SP6: variants seen among roughly 807,000 people sequenced by gnomAD.
SP6 encodes transcription factor Sp6.
In SP6, 10 loss-of-function variants were observed where a neutral mutation model predicts 23.4. The ratio of observed to expected loss-of-function variants is 0.43; its 90% CI spans 0.26 to 0.72. SP6 has a LOEUF of 0.72. Ranked by LOEUF, SP6 falls within the 30% of genes least tolerant of loss-of-function variation. The pLI, the probability that SP6 is intolerant of heterozygous loss-of-function variation, is 0.23. For missense variants in SP6, 482 were observed against 523.8 expected (o/e 0.92, Z 0.78); for synonymous variants, 238 against 238.7 (o/e 1.00, Z 0.03).
rs748312103 is a variant in SP6, at chr17:47,847,548, G to C, written c.882C>G (p.Arg294=). 1 of 1,613,620 alleles carries C rather than the reference G, an allele frequency of 6.2e-7. No individual in the cohort carries two copies. Among genetic ancestry groups the C allele is most frequent in the Admixed American group, 1.7e-5 (1 of 60,006 alleles). ...FVCNWLFCGK[R]FTRSDELQRH... ...GCTGCAGCTCGTCCGAGCGCGTGAAGCGCTTGCCGCAGAAGAGCCAGTTGC... is the reference window on the plus strand; with the variant it reads ...GCTGCAGCTCGTCCGAGCGCGTGAACCGCTTGCCGCAGAAGAGCCAGTTGC... The change falls in exon 2 of 2, where the codon CGC becomes CGG. Residue 294 remains arginine, a synonymous_variant. Coordinates refer to ENST00000536300, the MANE Select transcript of SP6 (RefSeq NM_001258248.2).
the SP6 span, among the ~76,000 whole-genome samples, chr17:47,874,282 G>T: frequency 6.6e-6 from 1 of 151,946 alleles, no homozygotes; most frequent in Non-Finnish European, 1.5e-5. Context: ...GTAGAGGCTG[G>T]GTTTCATTAT....
chr17:47,872,242 C>A, the SP6 span, among the ~76,000 whole-genome samples: 2 of 152,180 alleles, frequency 1.3e-5, no homozygotes, highest in Non-Finnish European at 2.9e-5. Flanking sequence ...AATCCCAGAT[C>A]GGTTCTCGGG....
chr17:47,871,680 G>A, the SP6 span, among the ~76,000 whole-genome samples: 7 of 151,152 alleles, frequency 4.6e-5, no homozygotes, highest in Middle Eastern at 3.4e-3. Flanking sequence ...GTGCAGTGGC[G>A]TGATCTTGGC....
chr17:47,857,879 C>T (rs905524742), upstream of SP6, among the ~76,000 whole-genome samples: 2 of 152,112 alleles, frequency 1.3e-5, no homozygotes, highest in Admixed American at 6.5e-5. Context: ...ATTCAAGCCC[C>T]TCTCTCTTGA....
chr17:47,854,274 C>G (rs755450732), upstream of SP6, among the ~76,000 whole-genome samples: 2 of 152,176 alleles, frequency 1.3e-5, no homozygotes, highest in Non-Finnish European at 2.9e-5. Flanking sequence ...TACTGAGCAC[C>G]TACTATGTTC....
chr17:47,862,848 G>A, the SP6 span, among the ~76,000 whole-genome samples: 1 of 152,222 alleles, frequency 6.6e-6, no homozygotes, highest in Admixed American at 6.5e-5. Flanking sequence ...GCCTGTGGGC[G>A]CAGCCTAGAA....
Position 47,848,446 on chromosome 17 carries a change from G to T in SP6, c.-17C>A. 1 of 1,490,746 alleles carries T rather than the reference G, an allele frequency of 6.7e-7. No individual in the cohort carries two copies. The highest frequency in any genetic ancestry group is 9.0e-7 in the Non-Finnish European group (1 of 1,116,700). The allele number at this position is 1,490,746 out of a possible 1,614,324, so 92.3% of individuals were successfully genotyped here. On this transcript the variant is annotated 5_prime_UTR_variant, in exon 2 of 2. Coordinates refer to ENST00000536300, the MANE Select transcript of SP6 (RefSeq NM_001258248.2). This position sits in a 1 kb window ranked among gnomAD's most constrained non-coding sequence, Gnocchi z 5.3. ...GGTTAGCATTGCCGGGATCCGGGGT[G>T]GGGTGAGGGCAGGGACGGTCAGGGG...
chr17:47,848,181 G>A lies in SP6; in HGVS notation c.249C>T (p.Ser83=). 1.9e-6 allele frequency: 3 copies of A among 1,613,154 alleles called. No homozygotes were observed. The highest frequency in any genetic ancestry group is 2.5e-6 in the Non-Finnish European group (3 of 1,179,984). The change falls in exon 2 of 2, where the codon AGC becomes AGT. Residue 83 remains serine (S), a synonymous_variant. Transcript: ENST00000536300. This position sits in a 1 kb window ranked among gnomAD's most constrained non-coding sequence, Gnocchi z 5.3. Reference sequence around the variant, plus strand: ...AGGGGCCCGGGGCCAAGGGACTGTCGCTTTCCAGGTCCTCGCAGGTTACCC... The same window carrying A: ...AGGGGCCCGGGGCCAAGGGACTGTCACTTTCCAGGTCCTCGCAGGTTACCC... ...SSRVTCEDLE[S]DSPLAPGPFS... is the part of the protein sequence containing the mutation.
At chr17:47,870,784 C>T in the SP6 span, among the ~76,000 whole-genome samples, 1 of 152,254 alleles carries the variant, frequency 6.6e-6, no homozygotes. Context: ...GAGAATGAAA[C>T]TCTGCCGGTT....
At chr17:47,868,446 C>G in the SP6 span, among the ~76,000 whole-genome samples, 4 of 152,238 alleles carry the variant, frequency 2.6e-5, no homozygotes, top group Non-Finnish European at 5.9e-5. Context: ...TTGGAAGCCA[C>G]TTGCCTACAC....
the SP6 span, among the ~76,000 whole-genome samples, chr17:47,873,393 T>TC: frequency 3.3e-5 from 5 of 152,162 alleles, no homozygotes; most frequent in African/African-American, 7.2e-5. Context: ...TAAGGTACTT[T>TC]CCCCTGCCCT....
At chr17:47,870,901 G>T in the SP6 span, among the ~76,000 whole-genome samples, 3 of 152,142 alleles carry the variant, frequency 2.0e-5, no homozygotes, top group South Asian at 6.2e-4. Flanking sequence ...TAGAGTCTGG[G>T]GTTCACCTTC....
chr17:47,864,870 T>G, the SP6 span: 1 of 152,590 alleles, frequency 6.6e-6, no homozygotes, highest in Non-Finnish European at 1.5e-5. Flanking sequence ...CAGGTAAGGC[T>G]TCAGGCATGG....
chr17:47,854,892 G>T (rs1206351361), upstream of SP6, among the ~76,000 whole-genome samples: 1 of 151,900 alleles, frequency 6.6e-6, no homozygotes, highest in East Asian at 1.9e-4. Context: ...CCACCTTCGG[G>T]CTGCACTTCC....
At position 47,847,926 on chromosome 17, in the gene SP6, C is replaced by A; in HGVS notation, c.504G>T (p.Pro168=). 6.4e-7 allele frequency: 1 copy of A among 1,566,894 alleles called. No individual in the cohort carries two copies. The highest frequency in any genetic ancestry group is 8.7e-7 in the Non-Finnish European group (1 of 1,155,950). Residue 168 remains proline (P), a synonymous_variant, in exon 2 of 2, where the codon CCG becomes CCT. Transcript: ENST00000536300. ...DHQLCAPPPH[P]HAHHLLPAAG... ...CAGCTGGAAGGAGGTGGTGCGCATG[C>A]GGGTGGGGTGGCGGGGCACAAAGCT...
At chr17:47,858,763 G>A (rs1009973690), upstream of SP6, among the ~76,000 whole-genome samples, 2 of 125,648 alleles carry the variant, frequency 1.6e-5, no homozygotes, top group Non-Finnish European at 3.3e-5. Context: ...GACAGATGAA[G>A]CATCTTTTTT....
the SP6 span, among the ~76,000 whole-genome samples, chr17:47,861,458 C>T: frequency 0.18 from 27,027 of 152,198 alleles, 2,506 homozygotes; most frequent in Admixed American, 0.27. Flanking sequence ...GAAGGCCAGG[C>T]GCAGTGGCTT....
Position 47,847,654 on chromosome 17 carries a change from G to GGGA in SP6, c.773_775dup (p.Ile258_Pro259insLeu). ...CTTGGCGTAGGCTTTCCCGCAGCCC[G>GGGA]GGATGTGGCAGTTGTGCAAATGCTT... On this transcript the variant is annotated inframe_insertion, in exon 2 of 2. Coordinates refer to ENST00000536300, the MANE Select transcript of SP6 (RefSeq NM_001258248.2). 1 of 1,612,842 alleles carries GGGA rather than the reference G, an allele frequency of 6.2e-7. No homozygotes were observed. Among genetic ancestry groups the GGGA allele is most frequent in the Non-Finnish European group, 8.5e-7 (1 of 1,179,682 alleles).
At chr17:47,870,103 A>G in the SP6 span, among the ~76,000 whole-genome samples, 1 of 152,148 alleles carries the variant, frequency 6.6e-6, no homozygotes, top group Non-Finnish European at 1.5e-5. Flanking sequence ...TGCAGAGCCA[A>G]CACATTGATA....
Sources: allele counts gnomAD v4.1 joint callset (sites outside exome capture counted in the v4.1 genomes callset), GRCh38; gene constraint gnomAD v4.1.1; non-coding constraint Gnocchi (gnomAD v3.1); transcripts MANE v1.5; gene names NCBI Gene and HGNC (gene_info 2026-07-23, HGNC 2026-07-21).